CADM1: variants seen among roughly 807,000 people sequenced by gnomAD.
CADM1 encodes TSLC-1.
Under a neutral mutation model 53.1 loss-of-function variants are expected in CADM1, and 15 were observed. The observed-to-expected ratio is 0.28, with a 90% CI of 0.19 to 0.44. The LOEUF (loss-of-function observed/expected upper bound fraction) is 0.44. Ranked by LOEUF, CADM1 falls within the 20% of genes least tolerant of loss-of-function variation. CADM1 has a pLI of 1.00. For synonymous variants in CADM1, 281 were observed against 243.0 expected (o/e 1.16, Z -1.45); for missense variants, 434 against 611.3 (o/e 0.71, Z 3.06).
intron 1 of CADM1, among the ~76,000 whole-genome samples, chr11:115,328,429 T>G (rs930970805): frequency 4.0e-5 from 6 of 151,800 alleles, no homozygotes; most frequent in African/African-American, 7.3e-5. Context: ...ATTTTCCAAG[T>G]GTATAGCTAG....
chr11:115,175,720 T>C lies in CADM1; in HGVS notation c.*754A>G, dbSNP rs1938997160. The C allele has an allele frequency of 3.0e-6, 3 of 987,946 alleles. No homozygotes were observed. The South Asian group carries it at 1.4e-4, about 46-fold the overall frequency. 61.2% of individuals were successfully genotyped at this position (987,946 alleles called of 1,614,324 possible). A position where few individuals can be genotyped will look rare whatever the true frequency, so the allele number is the denominator to read the frequency against. ...GAATTAAAGACAGTGAAATTCAATCTCATTGTGACACACCTCACTTGCAGA... is the reference window on the plus strand; with the variant it reads ...GAATTAAAGACAGTGAAATTCAATCCCATTGTGACACACCTCACTTGCAGA... On this transcript the variant is annotated 3_prime_UTR_variant, in exon 12 of 12. Transcript: ENST00000331581.
chr11:115,372,676 T>C (rs1946337350), intron 1 of CADM1, among the ~76,000 whole-genome samples: 2 of 152,246 alleles, frequency 1.3e-5, no homozygotes, highest in Non-Finnish European at 2.9e-5. Flanking sequence ...TCCAGGCTAA[T>C]TAACTTCTTT....
chr11:115,330,563 A>G (rs1380226842), intron 1 of CADM1, among the ~76,000 whole-genome samples: 2 of 152,098 alleles, frequency 1.3e-5, no homozygotes, highest in Non-Finnish European at 2.9e-5. Context: ...AATGAGTTTG[A>G]TGCGTGTCTT....
chr11:115,309,731 C>T (rs1944481587), intron 1 of CADM1, among the ~76,000 whole-genome samples: 1 of 152,128 alleles, frequency 6.6e-6, no homozygotes, highest in Non-Finnish European at 1.5e-5. Context: ...GGCCGTGTGA[C>T]TTAAGGCAAG....
rs1372576719 is a variant in CADM1 at position 115,174,321 on chromosome 11, A to G, written c.*2153T>C. On this transcript the variant is annotated 3_prime_UTR_variant, in exon 12 of 12. Coordinates refer to ENST00000331581, the MANE Select transcript of CADM1 (RefSeq NM_001301043.2). ...TCTTTTTTTCTAAAAAGAACAACTG[A>G]AAAAAAACCTTTCAACAACATGCTA... 3 of 984,412 alleles carry G rather than the reference A, an allele frequency of 3.0e-6. No individual in the cohort carries two copies. The highest frequency in any genetic ancestry group is 3.6e-6 in the Non-Finnish European group (3 of 829,090). The allele number at this position is 984,412 out of a possible 1,614,324, so 61.0% of individuals were successfully genotyped here.
intron 1 of CADM1, among the ~76,000 whole-genome samples, chr11:115,305,689 A>G (rs984865945): frequency 1.3e-5 from 2 of 151,896 alleles, no homozygotes; most frequent in Non-Finnish European, 2.9e-5. Context: ...GGGAACTAGT[A>G]TCTTGACTTG....
intron 1 of CADM1, among the ~76,000 whole-genome samples, chr11:115,428,803 G>A (rs574366526): frequency 6.6e-6 from 1 of 152,204 alleles, no homozygotes; most frequent in African/African-American, 2.4e-5. Context: ...GTGTGTACGT[G>A]TGTGCGCATA....
At chr11:115,490,162 T>G in intron 1 of CADM1, among the ~76,000 whole-genome samples, 1 of 152,166 alleles carries the variant, frequency 6.6e-6, no homozygotes, top group East Asian at 1.9e-4. Context: ...TTACAAGGAA[T>G]GAGGCTAGCA....
At chr11:115,236,478 TTTAAG>T (rs1390237335) in intron 3 of CADM1, among the ~76,000 whole-genome samples, 6 of 152,194 alleles carry the variant, frequency 3.9e-5, no homozygotes, top group African/African-American at 1.4e-4. Flanking sequence ...TTCAAGTATA[TTTAAG>T]TTAATACTTC....
intron 1 of CADM1, among the ~76,000 whole-genome samples, chr11:115,395,678 T>C (rs566789035): frequency 1.3e-5 from 2 of 152,228 alleles, no homozygotes; most frequent in Non-Finnish European, 2.9e-5. Flanking sequence ...TTGCTTAACC[T>C]TGCCTACTTT....
chr11:115,377,131 C>T (rs953825170), intron 1 of CADM1: 3 of 152,020 alleles, frequency 2.0e-5, no homozygotes, highest in South Asian at 2.1e-4. Flanking sequence ...ATTAATTGAC[C>T]GTGTCAGAGT....
chr11:115,247,673 C>T (rs1324153807), intron 1 of CADM1, among the ~76,000 whole-genome samples: 2 of 152,216 alleles, frequency 1.3e-5, no homozygotes, highest in Non-Finnish European at 2.9e-5. Flanking sequence ...TCAACAGCAA[C>T]CACAGCAAAT....
chr11:115,214,341 T>A, intron 7 of CADM1: 1 of 498,856 alleles, frequency 2.0e-6, no homozygotes, highest in Non-Finnish European at 3.7e-6. Context: ...GTAATCTCCA[T>A]GGCTTGTGCC....
At chr11:115,281,048 C>T (rs1796334587) in intron 1 of CADM1, among the ~76,000 whole-genome samples, 1 of 152,198 alleles carries the variant, frequency 6.6e-6, no homozygotes. Context: ...CTAATGTTAG[C>T]TATAAATGGA....
chr11:115,246,761 A>G (rs1255375058), intron 1 of CADM1, among the ~76,000 whole-genome samples: 1 of 152,256 alleles, frequency 6.6e-6, no homozygotes, highest in Non-Finnish European at 1.5e-5. Flanking sequence ...TGTAGCATTT[A>G]TAACACTGTA....
At chr11:115,410,031 A>G (rs1272840927) in intron 1 of CADM1, among the ~76,000 whole-genome samples, 2 of 152,214 alleles carry the variant, frequency 1.3e-5, no homozygotes, top group Non-Finnish European at 2.9e-5. Flanking sequence ...ATGTTTTTTC[A>G]GGAAAACATA....
intron 1 of CADM1, among the ~76,000 whole-genome samples, chr11:115,464,508 A>T (rs1173308580): frequency 3.9e-5 from 6 of 152,188 alleles, no homozygotes; most frequent in Non-Finnish European, 5.9e-5. Context: ...CCCACAATCC[A>T]CATCTGCAGT....
At chr11:115,428,750 T>C (rs1294935975) in intron 1 of CADM1, among the ~76,000 whole-genome samples, 1 of 145,098 alleles carries the variant, frequency 6.9e-6, no homozygotes, top group Non-Finnish European at 1.5e-5. Flanking sequence ...AGCTTAGCTA[T>C]AGAGAAAAAA....
At chr11:115,292,679 G>A (rs1399163559) in intron 1 of CADM1, among the ~76,000 whole-genome samples, 1 of 152,170 alleles carries the variant, frequency 6.6e-6, no homozygotes. Context: ...GTATCAGGCA[G>A]AACAGACATC....
Sources: gnomAD v4.1 joint callset for allele counts (sites outside exome capture counted in the v4.1 genomes callset) on GRCh38, gnomAD v4.1.1 for gene constraint, MANE v1.5 for transcripts, NCBI Gene and HGNC (gene_info 2026-07-23, HGNC 2026-07-21) for gene names.